The following RSRC2 variants were observed in gnomAD, a reference collection of about 807,000 sequenced individuals.
RSRC2 encodes the protein arginine/serine-rich coiled-coil protein 2.
In RSRC2, 5 loss-of-function variants were observed where a neutral mutation model predicts 61.3. The observed-to-expected ratio is 0.08, with a 90% CI of 0.04 to 0.17. The LOEUF is 0.17. Ranked by LOEUF, RSRC2 falls within the 10% of genes least tolerant of loss-of-function variation. The pLI is 1.00. For synonymous variants in RSRC2, 202 were observed against 166.5 expected, an observed-to-expected ratio of 1.21 and a Z score of -1.64; for missense variants, 381 against 518.8, an observed-to-expected ratio of 0.73 and a Z score of 2.58.
At chr12:122,507,014 AAC>A (rs965274643) in intron 8 of RSRC2, 91 bp from the exon 9 acceptor site, 1 of 721,842 alleles carries the variant, frequency 1.4e-6, no homozygotes, top group African/African-American at 1.8e-5. Flanking sequence ...TAAAAAAAAA[AAC>A]ACCATGGATA....
In RSRC2 at chr12:122,514,849, G is replaced by C. The variant is rs77000132; in HGVS notation, c.725+256C>G. On this transcript the variant is annotated intron_variant, in intron 6 of 9. Transcript: ENST00000331738. The stretch of plus-strand genomic sequence containing the variant: ...TTTCAAATGCAAACTGAAAATATTT[G>C]GGAGTCTAAATTTGAGAAAAATGAA... 7,572 of 685,892 alleles carry C rather than the reference G, an allele frequency of 0.011. 469 individuals carry two copies. The African/African-American group carries it at 0.13, about 12-fold the overall frequency. The allele number at this position is 685,892 out of a possible 1,614,324, so 42.5% of individuals were successfully genotyped here.
intron 6 of RSRC2, 139 bp downstream of exon 6, chr12:122,514,966 A>G: frequency 2.1e-6 from 2 of 930,452 alleles, no homozygotes; most frequent in Non-Finnish European, 1.6e-6. Context: ...AACTATTTAC[A>G]TAGTTCTAGA....
chr12:122,519,553 C>T (rs1400980216), intron 3 of RSRC2: 1 of 154,614 alleles, frequency 6.5e-6, no homozygotes, highest in Non-Finnish European at 1.4e-5. Flanking sequence ...CTGCCTGCTA[C>T]ATCCTCTAAA....
intron 7 of RSRC2, among the ~76,000 whole-genome samples, chr12:122,509,884 G>A (rs939936769): frequency 6.6e-6 from 1 of 151,998 alleles, no homozygotes; most frequent in Non-Finnish European, 1.5e-5. Flanking sequence ...TGTCACCCAG[G>A]CTAGAGTGCA....
At position 122,518,830 on chromosome 12, in the gene RSRC2, A is replaced by C; in HGVS notation, c.398+9T>G. On this transcript the variant is annotated intron_variant, in intron 4 of 9. Transcript: ENST00000331738. ...AGAAGGTACTACATTATAATACAAC[A>C]TGACTTACCTTTCACGAGACCTAGA... The C allele has an allele frequency of 6.2e-7, 1 of 1,609,478 alleles. No individual in the cohort carries two copies. Among genetic ancestry groups the C allele is most frequent in the Non-Finnish European group, 8.5e-7 (1 of 1,175,846 alleles).
chr12:122,521,981 T>C (rs181504054), intron 2 of RSRC2, among the ~76,000 whole-genome samples, 162 bp downstream of exon 2: 4 of 152,324 alleles, frequency 2.6e-5, no homozygotes, highest in South Asian at 4.1e-4. Context: ...TTTTTGGTCC[T>C]GGCTCAGGTG....
intron 1 of RSRC2, among the ~76,000 whole-genome samples, chr12:122,522,644 T>C (rs1289962238): frequency 6.6e-6 from 1 of 152,242 alleles, no homozygotes; most frequent in Non-Finnish European, 1.5e-5. Context: ...TTTAGATGTG[T>C]GAATGCATTT....
chr12:122,517,124 T>G (rs1958996687), intron 5 of RSRC2, 103 bp downstream of exon 5: 1 of 1,520,450 alleles, frequency 6.6e-7, no homozygotes, highest in Non-Finnish European at 9.0e-7. Context: ...CCATAATCTA[T>G]AAATAGAATT....
In RSRC2 at chr12:122,517,303, T is replaced by C; in HGVS notation, c.526A>G (p.Ile176Val). The change falls in exon 5 of 10, where the codon ATC becomes GTC. Residue 176 changes from isoleucine to valine, a missense_variant. By Grantham distance (29) the Ile-to-Val change is conservative (BLOSUM62 3). This residue lies in a region of RSRC2 where 266 missense variants were observed against 270.5 expected (regional missense o/e 0.98). Transcript: ENST00000331738. ...RSRSRERKRR[I>V]RSRSRSRSRH... ...GATCTTGAGCGGGAACGAGACCTGATCCGCCGTTTTCTTTCCCTGCTTCTG... is the reference window on the plus strand; with the variant it reads ...GATCTTGAGCGGGAACGAGACCTGACCCGCCGTTTTCTTTCCCTGCTTCTG... 1 of 1,614,126 alleles carries C rather than the reference T, an allele frequency of 6.2e-7. No homozygotes were observed. Among genetic ancestry groups the C allele is most frequent in the Non-Finnish European group, 8.5e-7 (1 of 1,180,000 alleles).
At position 122,505,699 on chromosome 12, in the gene RSRC2, T is replaced by A; in HGVS notation, c.1133A>T (p.Asp378Val). 1 of 1,612,942 alleles carries A rather than the reference T, an allele frequency of 6.2e-7. No individual in the cohort carries two copies. Among genetic ancestry groups the A allele is most frequent in the African/African-American group, 1.3e-5 (1 of 75,016 alleles). Reference protein sequence around the residue: ...FRKLMGIKSEDEAGCSSVDEE... With the variant: ...FRKLMGIKSEVEAGCSSVDEE... ...ATCAACTGAGCTACATCCAGCTTCA[T>A]CTTCACTCTAAAAATCAGACATAAA... The change falls in exon 10 of 10, where the codon GAT becomes GTT. Residue 378 changes from aspartate (D) to valine (V), a missense_variant. Asp to Val is a radical substitution (Grantham distance 152). Around this residue, in one of 4 missense-constraint regions of RSRC2, gnomAD observed 78 missense variants for 183.0 expected, o/e 0.43. Transcript: ENST00000331738.
chr12:122,510,355 C>T (rs986989105), intron 7 of RSRC2, among the ~76,000 whole-genome samples: 16 of 151,952 alleles, frequency 1.1e-4, no homozygotes, highest in Admixed American at 1.0e-3. Context: ...CACGGTGAAA[C>T]CCCGTCTCTA....
chr12:122,517,167 G>A (rs1393143000), intron 5 of RSRC2, 60 bp downstream of exon 5: 10 of 1,606,400 alleles, frequency 6.2e-6, no homozygotes, highest in South Asian at 3.3e-5. Flanking sequence ...TCTTACTGAG[G>A]AAGATAAACA....
Position 122,508,239 on chromosome 12 carries a change from A to C in RSRC2, c.1014T>G (p.Leu338=). ...FAEQEKKRKM[L]WQGKKEGDKS... is the part of the protein sequence containing the mutation. ...TTACCCCTTCTTTCTTGCCCTGCCA[A>C]AGCATTTTCCTTTTTTTCTCTTGTT... is the stretch of plus-strand genomic sequence containing the variant. Residue 338 remains leucine (L), a synonymous_variant, in exon 8 of 10, where the codon CTT becomes CTG. Coordinates refer to ENST00000331738, the MANE Select transcript of RSRC2 (RefSeq NM_023012.6). 6.2e-7 allele frequency: 1 copy of C among 1,614,120 alleles called. No individual in the cohort carries two copies. Among genetic ancestry groups the C allele is most frequent in the Non-Finnish European group, 8.5e-7 (1 of 1,179,928 alleles).
chr12:122,505,469 G>C lies in RSRC2; in HGVS notation c.*58C>G. ...AGAGTGCTAGCTGTTTGGTGAACAA[G>C]GACGTGACATCAGAACAAGAAGTCT... is the stretch of plus-strand genomic sequence containing the variant. On this transcript the variant is annotated 3_prime_UTR_variant, in exon 10 of 10. Transcript: ENST00000331738. 1 of 1,503,614 alleles carries C rather than the reference G, an allele frequency of 6.7e-7. No homozygotes were observed. The highest frequency in any genetic ancestry group is 9.1e-7 in the Non-Finnish European group (1 of 1,094,464). The allele number at this position is 1,503,614 out of a possible 1,614,324, so 93.1% of individuals were successfully genotyped here. A position where few individuals can be genotyped will look rare whatever the true frequency, so the allele number is the denominator to read the frequency against.
chr12:122,517,555 C>A (rs1408181782), intron 4 of RSRC2, 125 bp from the exon 5 acceptor site: 3 of 1,117,606 alleles, frequency 2.7e-6, no homozygotes, highest in Non-Finnish European at 3.8e-6. Flanking sequence ...ATATTATTTA[C>A]AGAAATAAGC....
At chr12:122,508,714 T>C (rs1958279810) in intron 7 of RSRC2, among the ~76,000 whole-genome samples, 2 of 152,090 alleles carry the variant, frequency 1.3e-5, no homozygotes, top group Non-Finnish European at 2.9e-5. Context: ...CCCAGCACTT[T>C]GGGAGGCTGA....
chr12:122,511,684 C>T (rs1361151573), intron 6 of RSRC2, among the ~76,000 whole-genome samples: 5 of 152,156 alleles, frequency 3.3e-5, no homozygotes, highest in Non-Finnish European at 7.4e-5. Context: ...CAAACCTTGC[C>T]ATTCTCTGTA....
intron 2 of RSRC2, 135 bp from the exon 3 acceptor site, chr12:122,521,563 G>C: frequency 1.4e-6 from 1 of 712,064 alleles, no homozygotes; most frequent in Non-Finnish European, 2.5e-6. Flanking sequence ...GGCACGGGTG[G>C]GATTATTCTA....
intron 6 of RSRC2, chr12:122,514,551 C>T (rs1958766867): frequency 1.0e-5 from 10 of 970,318 alleles, no homozygotes; most frequent in South Asian, 4.8e-5. Context: ...CAGGTGTGAC[C>T]GATTGCACCC....
Sources: gnomAD v4.1 joint callset for allele counts (sites outside exome capture counted in the v4.1 genomes callset) on GRCh38, gnomAD v4.1.1 for gene constraint, gnomAD v4.1.1 regional missense constraint, MANE v1.5 for transcripts, NCBI Gene and HGNC (gene_info 2026-07-23, HGNC 2026-07-21) for gene names.